Variants in MMAA observed in about 807,000 individuals in gnomAD.
MMAA encodes the protein metabolism of cobalamin associated A, also known as methylmalonic aciduria type A protein, mitochondrial.
In MMAA, 41 loss-of-function variants were observed where a neutral mutation model predicts 45.0. The observed-to-expected ratio is 0.91, with a 90% CI of 0.71 to 1.18. The LOEUF (loss-of-function observed/expected upper bound fraction) is 1.18. Among genes scored for constraint, MMAA ranks in the 50% most tolerant of loss-of-function variants. The probability of loss-of-function intolerance (pLI) is 0.00; values close to 1 mark genes in which losing one functional copy is unlikely to be tolerated. For synonymous variants in MMAA, 154 were observed against 178.2 expected (o/e 0.86, Z 1.08); for missense variants, 460 against 495.7 (o/e 0.93, Z 0.68).
At chr4:145,631,892 A>T (rs181379828) in intron 1 of MMAA, among the ~76,000 whole-genome samples, 1 of 152,172 alleles carries the variant, frequency 6.6e-6, no homozygotes, top group Non-Finnish European at 1.5e-5. Context: ...AACACTGTTT[A>T]TATAAACAAA....
intron 1 of MMAA, among the ~76,000 whole-genome samples, chr4:145,629,828 G>T (rs902458249): frequency 6.6e-6 from 1 of 152,078 alleles, no homozygotes; most frequent in Admixed American, 6.5e-5. Flanking sequence ...TTCACTATCA[G>T]GAGAACGGCA....
At chr4:145,646,969 G>GAGCAGGAAGATCCTGCTGGATA (rs1205629443) in intron 4 of MMAA, among the ~76,000 whole-genome samples, 5 of 152,176 alleles carry the variant, frequency 3.3e-5, no homozygotes, top group Non-Finnish European at 5.9e-5. Context: ...ACCCTGAAAG[G>GAGCAGGAAGATCCTGCTGGATA]AGCAGGAAGA....
chr4:145,625,708 G>A (rs1734185890), intron 1 of MMAA: 11 of 1,467,976 alleles, frequency 7.5e-6, no homozygotes, highest in Non-Finnish European at 1.0e-5. Context: ...TCTTTGTTTT[G>A]GGTACACTCC....
intron 1 of MMAA, among the ~76,000 whole-genome samples, chr4:145,632,893 G>A (rs761665394): frequency 6.6e-6 from 1 of 151,892 alleles, no homozygotes; most frequent in Non-Finnish European, 1.5e-5. Context: ...GAGTAACTGG[G>A]ACTACAGCCA....
In MMAA at chr4:145,654,033, G is replaced by A. The variant is rs1157244930; in HGVS notation, c.859G>A (p.Ala287Thr). Residue 287 changes from alanine to threonine, a missense_variant, in exon 6 of 7, where the codon GCT becomes ACT. Physicochemically the swap from Ala to Thr is moderately conservative, Grantham distance 58. Coordinates refer to ENST00000649156, the MANE Select transcript of MMAA (RefSeq NM_172250.3). ...RGIIEMADLV[A>T]VTKSDGDLIV... ...TATAATCGAGATGGCAGATCTGGTA[G>A]CTGTAACTAAATCTGATGGAGACTT... is the stretch of plus-strand genomic sequence containing the variant. The A allele has an allele frequency of 6.2e-7, 1 of 1,614,172 alleles. No individual in the cohort carries two copies. Among genetic ancestry groups the A allele is most frequent in the South Asian group, 1.1e-5 (1 of 91,082 alleles).
At chr4:145,644,783 G>T (rs1173056202) in intron 3 of MMAA, among the ~76,000 whole-genome samples, 1 of 152,282 alleles carries the variant, frequency 6.6e-6, no homozygotes, top group East Asian at 1.9e-4. Context: ...CAAGTTTGGC[G>T]GTAGTGACAT....
chr4:145,655,120 A>G, intron 6 of MMAA, 27 bp from the exon 7 acceptor site: 2 of 1,613,370 alleles, frequency 1.2e-6, no homozygotes, highest in African/African-American at 1.3e-5. Flanking sequence ...TTTAAGTAAA[A>G]TGGTCTGGTT....
At chr4:145,627,550 G>A (rs888558177) in intron 1 of MMAA, among the ~76,000 whole-genome samples, 1 of 152,180 alleles carries the variant, frequency 6.6e-6, no homozygotes, top group Non-Finnish European at 1.5e-5. Context: ...AATCAGTTGA[G>A]TTGAGCAATG....
chr4:145,632,676 G>A (rs1330179232), intron 1 of MMAA, among the ~76,000 whole-genome samples: 1 of 151,926 alleles, frequency 6.6e-6, no homozygotes, highest in Non-Finnish European at 1.5e-5. Context: ...AAATCCTGGA[G>A]GCATGCTTCA....
At chr4:145,652,398 A>T (rs1031074805) in intron 5 of MMAA, among the ~76,000 whole-genome samples, 1 of 152,150 alleles carries the variant, frequency 6.6e-6, no homozygotes. Flanking sequence ...TCTTTCTGCC[A>T]TGGTCAGTCT....
intron 1 of MMAA, chr4:145,625,382 A>G (rs1560790428): frequency 7.1e-6 from 5 of 699,490 alleles, no homozygotes; most frequent in Non-Finnish European, 1.4e-5. Flanking sequence ...GGTGCTGGGT[A>G]TGTAAGGAGC....
chr4:145,638,445 G>T (rs541064071), intron 1 of MMAA, among the ~76,000 whole-genome samples: 14 of 152,358 alleles, frequency 9.2e-5, no homozygotes, highest in Admixed American at 2.6e-4. Flanking sequence ...GATTAGTGGG[G>T]CTGGGAATGT....
At position 145,660,026 on chromosome 4, in the gene MMAA, G is replaced by T. The variant is rs1728340902; in HGVS notation, c.*4592G>T. On this transcript the variant is annotated 3_prime_UTR_variant, in exon 7 of 7. Transcript: ENST00000649156. Reference sequence around the variant, plus strand: ...TTCCCTATGAGATAAAACTTTTTTTGTCTTCCATATGAGTGGGATCATGTA... The same window carrying T: ...TTCCCTATGAGATAAAACTTTTTTTTTCTTCCATATGAGTGGGATCATGTA... 6.6e-6 allele frequency: 1 copy of T among 151,444 alleles called. No individual in the cohort carries two copies. The highest frequency in any genetic ancestry group is 1.5e-5 in the Non-Finnish European group (1 of 67,862). 9.4% of individuals were successfully genotyped at this position (151,444 alleles called of 1,614,324 possible). A position where few individuals can be genotyped will look rare whatever the true frequency, so the allele number is the denominator to read the frequency against.
intron 1 of MMAA, among the ~76,000 whole-genome samples, chr4:145,627,870 C>A (rs1433306841): frequency 6.6e-6 from 1 of 152,148 alleles, no homozygotes; most frequent in Non-Finnish European, 1.5e-5. Flanking sequence ...TACTTTTGAA[C>A]TTCAAATTTA....
intron 1 of MMAA, chr4:145,625,312 T>C: frequency 4.2e-6 from 3 of 719,490 alleles, no homozygotes; most frequent in South Asian, 1.4e-5. Flanking sequence ...AATTGCAGGC[T>C]CTGGAAGAAG....
chr4:145,643,068 G>A (rs1727830527), intron 3 of MMAA, among the ~76,000 whole-genome samples: 1 of 152,130 alleles, frequency 6.6e-6, no homozygotes, highest in Non-Finnish European at 1.5e-5. Context: ...CTGATTTGAT[G>A]TCATGAAGTC....
intron 1 of MMAA, chr4:145,624,231 A>G: frequency 1.2e-6 from 1 of 813,952 alleles, no homozygotes; most frequent in Non-Finnish European, 2.2e-6. Flanking sequence ...CAAAGAGATC[A>G]CAAACTGCAG....
At position 145,639,578 on chromosome 4, in the gene MMAA, GGTCA is replaced by G. The variant is rs1553957939; in HGVS notation, c.439+4_439+7del. ...AGGAAAACCACTAGCATTTCGAGTA[GGTCA>G]GTCTTTTTTGTGTGTTTTCTCAGTA... On this transcript the variant is annotated splice_donor_variant and splice_donor_region_variant and intron_variant, in intron 2 of 6. Transcript: ENST00000649156. LOFTEE classifies it high-confidence loss of function. The G allele has an allele frequency of 6.8e-6, 11 of 1,605,994 alleles. No individual in the cohort carries two copies. The highest frequency in any genetic ancestry group is 8.5e-6 in the Non-Finnish European group (10 of 1,175,438).
rs185188262 is a variant in MMAA at position 145,623,133 on chromosome 4, C to G, written c.-66+3726C>G. 2.6e-3 allele frequency among the ~76,000 whole-genome samples: 397 copies of G among 152,268 alleles called. 4 individuals are homozygous for G. The highest frequency in any genetic ancestry group is 8.7e-3 in the African/African-American group (361 of 41,556). On this transcript the variant is annotated intron_variant, in intron 1 of 6. Transcript: ENST00000649156. ...TTTTCATAAAGCTTCAATGAACACC[C>G]CAAGGCACAAGTGTTGAAAATGGCC...
Sources: gnomAD v4.1 joint callset for allele counts (sites outside exome capture counted in the v4.1 genomes callset) on GRCh38, gnomAD v4.1.1 for gene constraint, MANE v1.5 for transcripts, NCBI Gene and HGNC (gene_info 2026-07-23, HGNC 2026-07-21) for gene names.